The following DIS3L2 variants were observed in gnomAD, a reference collection of about 807,000 sequenced individuals.
DIS3L2 encodes DIS3-like exonuclease 2.
Under a neutral mutation model 97.5 loss-of-function variants are expected in DIS3L2, and 34 were observed. The observed-to-expected ratio is 0.35, with a 90% CI of 0.27 to 0.46. The LOEUF is 0.46. Ranked by LOEUF, DIS3L2 falls within the 20% of genes least tolerant of loss-of-function variation. DIS3L2 has a pLI of 1.00. For synonymous variants in DIS3L2, 435 were observed against 445.2 expected (o/e 0.98, Z 0.29); for missense variants, 1,038 against 1,146.0 (o/e 0.91, Z 1.36).
intron 14 of DIS3L2, among the ~76,000 whole-genome samples, chr2:232,327,234 C>T (rs1458716120): frequency 6.6e-6 from 1 of 152,226 alleles, no homozygotes; most frequent in Non-Finnish European, 1.5e-5. Context: ...TGGTGGCCTC[C>T]TTAGCCTGCA....
chr2:232,111,312 A>G, intron 6 of DIS3L2: 1 of 467,200 alleles, frequency 2.1e-6, no homozygotes, highest in Non-Finnish European at 4.4e-6. Context: ...AATTTCTAGA[A>G]TAGATCATAT....
intron 5 of DIS3L2, among the ~76,000 whole-genome samples, chr2:232,049,643 A>G (rs909657375): frequency 1.1e-4 from 17 of 152,186 alleles, no homozygotes; most frequent in African/African-American, 4.1e-4. Flanking sequence ...CCTGAGACAC[A>G]GGTTTTTATC....
At chr2:231,997,830 A>G (rs1359511775) in intron 1 of DIS3L2, among the ~76,000 whole-genome samples, 3 of 152,186 alleles carry the variant, frequency 2.0e-5, no homozygotes, top group Non-Finnish European at 4.4e-5. Flanking sequence ...GAGACACTCA[A>G]AGCCATCCTC....
At chr2:232,112,425 A>G (rs1697565709) in intron 6 of DIS3L2, among the ~76,000 whole-genome samples, 1 of 152,238 alleles carries the variant, frequency 6.6e-6, no homozygotes, top group Admixed American at 6.5e-5. Context: ...AAATCTGGAT[A>G]CTAGTCTTCG....
chr2:232,005,184 T>TTTA (rs1553600479), intron 1 of DIS3L2, among the ~76,000 whole-genome samples: 6 of 150,400 alleles, frequency 4.0e-5, no homozygotes, highest in Admixed American at 6.6e-5. Flanking sequence ...TTTTTTTTTT[T>TTTA]TTTTTTTATT....
intron 5 of DIS3L2, among the ~76,000 whole-genome samples, chr2:232,059,875 A>T (rs1383639591): frequency 6.6e-6 from 1 of 152,142 alleles, no homozygotes; most frequent in Admixed American, 6.5e-5. Context: ...TTCTTTATCC[A>T]GTCCAATATT....
chr2:232,336,027 C>T (rs1258832424), intron 20 of DIS3L2, 153 bp downstream of exon 20: 9 of 1,523,080 alleles, frequency 5.9e-6, no homozygotes, highest in South Asian at 2.5e-5. Flanking sequence ...CTCACCCAGA[C>T]CCCCTCCTGT....
chr2:232,290,419 A>G (rs1191171286), intron 13 of DIS3L2, among the ~76,000 whole-genome samples: 1 of 152,180 alleles, frequency 6.6e-6, no homozygotes, highest in Non-Finnish European at 1.5e-5. Context: ...TCACCCAGTA[A>G]TACAGGTCGT....
At chr2:232,075,155 C>G (rs1214846440) in intron 5 of DIS3L2, among the ~76,000 whole-genome samples, 3 of 152,102 alleles carry the variant, frequency 2.0e-5, no homozygotes, top group African/African-American at 7.2e-5. Flanking sequence ...AAGAGAATTG[C>G]ATTTAGAGTC....
At chr2:232,231,187 T>C (rs955824764) in intron 10 of DIS3L2, among the ~76,000 whole-genome samples, 2 of 152,222 alleles carry the variant, frequency 1.3e-5, no homozygotes, top group Admixed American at 1.3e-4. Context: ...ACCTTGTCAG[T>C]TTTCTTGTAT....
chr2:232,008,498 C>T (rs1694111616), intron 1 of DIS3L2, among the ~76,000 whole-genome samples: 1 of 152,052 alleles, frequency 6.6e-6, no homozygotes, highest in African/African-American at 2.4e-5. Flanking sequence ...TAGAAAATAA[C>T]CCTTCCAATT....
intron 14 of DIS3L2, among the ~76,000 whole-genome samples, chr2:232,315,190 G>C (rs919872574): frequency 3.9e-5 from 6 of 152,200 alleles, no homozygotes; most frequent in Non-Finnish European, 8.8e-5. Flanking sequence ...CCTGGCAAGT[G>C]GGGTGAGCGC....
intron 14 of DIS3L2, 110 bp from the exon 15 acceptor site, chr2:232,329,703 T>C (rs1695675597): frequency 4.3e-6 from 5 of 1,150,326 alleles, no homozygotes; most frequent in Non-Finnish European, 2.4e-6. Flanking sequence ...GTCTTTAAGC[T>C]GAGACCTGAA....
chr2:231,974,667 T>C (rs1253588834), intron 1 of DIS3L2, among the ~76,000 whole-genome samples: 1 of 152,076 alleles, frequency 6.6e-6, no homozygotes, highest in African/African-American at 2.4e-5. Context: ...ATGTAAGGTA[T>C]ATGTATTTAT....
chr2:232,086,773 G>A (rs1451396858), intron 5 of DIS3L2, among the ~76,000 whole-genome samples: 3 of 150,168 alleles, frequency 2.0e-5, no homozygotes, highest in African/African-American at 7.4e-5. Flanking sequence ...TCCGCCTCCT[G>A]GGTTCACACC....
chr2:232,191,774 C>A (rs1242106405), intron 9 of DIS3L2, among the ~76,000 whole-genome samples: 1 of 152,224 alleles, frequency 6.6e-6, no homozygotes, highest in African/African-American at 2.4e-5. Flanking sequence ...TGTGGTCTTA[C>A]AGATGTAATT....
intron 1 of DIS3L2, among the ~76,000 whole-genome samples, chr2:231,984,227 A>G (rs1693345195): frequency 6.6e-6 from 1 of 151,822 alleles, no homozygotes; most frequent in African/African-American, 2.4e-5. Context: ...ATCATTATTC[A>G]TATGTTATTT....
chr2:232,204,876 G>A (rs1232457730), intron 9 of DIS3L2, among the ~76,000 whole-genome samples: 2 of 152,112 alleles, frequency 1.3e-5, no homozygotes, highest in Admixed American at 6.5e-5. Context: ...GCAGCACATC[G>A]TGGCAGGCTC....
chr2:232,037,706 C>G lies in DIS3L2; in HGVS notation c.366+7626C>G, dbSNP rs1296956620. Among the ~76,000 whole-genome samples the G allele has an allele frequency of 6.6e-6, 1 of 152,198 alleles. No homozygotes were observed. Among genetic ancestry groups the G allele is most frequent in the Non-Finnish European group, 1.5e-5 (1 of 68,022 alleles). On this transcript the variant is annotated intron_variant, in intron 5 of 20. Transcript: ENST00000325385. This position sits in a 1 kb window ranked among gnomAD's most constrained non-coding sequence, Gnocchi z 4.6. ...TCTCCTGGTCTGAGGGTTGTGAAGACTGTGGGAAAAGCATAATATCTGGGC... is the reference window on the plus strand; with the variant it reads ...TCTCCTGGTCTGAGGGTTGTGAAGAGTGTGGGAAAAGCATAATATCTGGGC...
Sources: allele counts gnomAD v4.1 joint callset (sites outside exome capture counted in the v4.1 genomes callset), GRCh38; gene constraint gnomAD v4.1.1; non-coding constraint Gnocchi (gnomAD v3.1); transcripts MANE v1.5; gene names NCBI Gene and HGNC (gene_info 2026-07-23, HGNC 2026-07-21).